The following IQUB variants were observed in gnomAD, a reference collection of about 807,000 sequenced individuals.
IQUB encodes the protein IQ motif and ubiquitin domain containing.
Under a neutral mutation model 86.4 loss-of-function variants are expected in IQUB, and 86 were observed. The ratio of observed to expected loss-of-function variants is 1.00; its 90% confidence interval spans 0.84 to 1.19. The LOEUF is 1.19. IQUB is among the 50% of genes most tolerant of loss of function. IQUB has a pLI of 0.00. For missense variants in IQUB, 946 were observed against 916.9 expected (o/e 1.03, Z -0.41); for synonymous variants, 289 against 304.5 (o/e 0.95, Z 0.53).
chr7:123,495,586 T>C (rs993567819), intron 7 of IQUB, among the ~76,000 whole-genome samples: 12 of 152,136 alleles, frequency 7.9e-5, no homozygotes, highest in African/African-American at 2.9e-4. Flanking sequence ...CCCATTCAAC[T>C]ACAAAAGCCA....
At chr7:123,530,672 A>ATT (rs377272603) in intron 1 of IQUB, among the ~76,000 whole-genome samples, 3,285 of 99,402 alleles carry the variant, frequency 0.033, 204 homozygotes, top group African/African-American at 0.097. Context: ...TTGCTCTTTG[A>ATT]TTTTTTTTTT....
chr7:123,474,730 A>C (rs1794674940), intron 8 of IQUB, among the ~76,000 whole-genome samples: 1 of 152,190 alleles, frequency 6.6e-6, no homozygotes, highest in Admixed American at 6.5e-5. Context: ...TAGCTGATCC[A>C]TATTGTGGTG....
chr7:123,468,144 G>A (rs1476699368), intron 9 of IQUB, among the ~76,000 whole-genome samples: 1 of 152,150 alleles, frequency 6.6e-6, no homozygotes, highest in African/African-American at 2.4e-5. Context: ...GCCTCAGACT[G>A]AGAAAAGCAT....
chr7:123,497,959 G>GA (rs1220818010), intron 6 of IQUB, among the ~76,000 whole-genome samples: 2 of 151,586 alleles, frequency 1.3e-5, no homozygotes, highest in Non-Finnish European at 2.9e-5. Context: ...CTAACCAGGT[G>GA]ACTTTAAAAA....
chr7:123,461,521 C>G lies in IQUB; in HGVS notation c.1843G>C (p.Val615Leu). Residue 615 changes from valine to leucine, a missense_variant, in exon 11 of 13, where the codon GTA becomes CTA. Val to Leu is a conservative substitution (Grantham distance 32, BLOSUM62 1). Transcript: ENST00000324698. Reference protein sequence around the residue: ...QLYLPSTEFSVSSTSRRIYRC... With the variant: ...QLYLPSTEFSLSSTSRRIYRC... ...TATATGCGGCGTGAGGTGGATGATA[C>G]AGAAAATTCTGTAGAAGGCAAATAA... is the stretch of plus-strand genomic sequence containing the variant. 6.2e-7 allele frequency: 1 copy of G among 1,611,892 alleles called. No individual in the cohort carries two copies. The highest frequency in any genetic ancestry group is 8.5e-7 in the Non-Finnish European group (1 of 1,178,820).
rs2116914342 is a variant in IQUB, at chr7:123,452,332, T to C, written c.*411A>G. 6.5e-6 allele frequency: 1 copy of C among 152,974 alleles called. No homozygotes were observed. Among genetic ancestry groups the C allele is most frequent in the Admixed American group, 6.5e-5 (1 of 15,330 alleles). The allele number at this position is 152,974 out of a possible 1,614,324, so 9.5% of individuals were successfully genotyped here. A position where few individuals can be genotyped will look rare whatever the true frequency, so the allele number is the denominator to read the frequency against. On this transcript the variant is annotated 3_prime_UTR_variant, in exon 13 of 13. Transcript: ENST00000324698. ...AAGAAGTTTTCAAGAAAGAGCACTT[T>C]ATAATGTTTCCTCCCCTCCACATAC...
chr7:123,511,830 AG>A (rs1336463072), intron 2 of IQUB, 113 bp downstream of exon 2: 8 of 737,912 alleles, frequency 1.1e-5, no homozygotes, highest in Non-Finnish European at 1.7e-5. Context: ...GATAAGGGAA[AG>A]GGAAAGGAAT....
At chr7:123,501,619 A>G (rs1390889576) in intron 6 of IQUB, 1 of 152,204 alleles carries the variant, frequency 6.6e-6, no homozygotes, top group Non-Finnish European at 1.5e-5. Flanking sequence ...TTTGACAGAG[A>G]GAAGCAGCCT....
At chr7:123,528,003 G>A (rs945168669) in intron 1 of IQUB, among the ~76,000 whole-genome samples, 1 of 152,228 alleles carries the variant, frequency 6.6e-6, no homozygotes, top group African/African-American at 2.4e-5. Context: ...CCGGGTGGGG[G>A]ATATAATCTC....
At chr7:123,529,171 A>G (rs1358796626) in intron 1 of IQUB, among the ~76,000 whole-genome samples, 1 of 152,178 alleles carries the variant, frequency 6.6e-6, no homozygotes, top group African/African-American at 2.4e-5. Context: ...AGACATGCTA[A>G]TTTTATTTCT....
At chr7:123,531,791 G>A (rs1189419681) in intron 1 of IQUB, among the ~76,000 whole-genome samples, 1 of 152,172 alleles carries the variant, frequency 6.6e-6, no homozygotes, top group Non-Finnish European at 1.5e-5. Flanking sequence ...CATTAAGAAA[G>A]TGTTTCAAGC....
At chr7:123,464,580 G>A (rs150796357) in intron 10 of IQUB, among the ~76,000 whole-genome samples, 4 of 151,920 alleles carry the variant, frequency 2.6e-5, no homozygotes, top group East Asian at 1.9e-4. Context: ...TACATTCAAC[G>A]TAATGCAATA....
chr7:123,534,227 GT>G (rs1406564996), intron 1 of IQUB, among the ~76,000 whole-genome samples: 7 of 152,214 alleles, frequency 4.6e-5, no homozygotes, highest in Non-Finnish European at 1.0e-4. Context: ...AGGGTGTGAG[GT>G]GAGGTGTACC....
intron 1 of IQUB, among the ~76,000 whole-genome samples, chr7:123,530,317 T>G (rs1797468566): frequency 6.6e-6 from 1 of 150,752 alleles, no homozygotes; most frequent in Non-Finnish European, 1.5e-5. Flanking sequence ...GCACCTGTAG[T>G]CCCAGCTACT....
rs145131433 is a variant in IQUB at position 123,461,602 on chromosome 7, G to A, written c.1762C>T (p.Pro588Ser). 3.3e-5 allele frequency: 52 copies of A among 1,588,192 alleles called. No individual in the cohort carries two copies. Among genetic ancestry groups the A allele is most frequent in the Non-Finnish European group, 2.6e-6 (3 of 1,169,480 alleles). Reference sequence around the variant, plus strand: ...TTATAAAATTTCAATGGGTCTTGAGGGACCTAAATAAATAGTAAAAAAAGA... The same window carrying A: ...TTATAAAATTTCAATGGGTCTTGAGAGACCTAAATAAATAGTAAAAAAAGA... The part of the protein sequence containing the change: ...NPEVAKYLKV[P>S]QDPLKFYKKI... The change falls in exon 11 of 13, where the codon CCT becomes TCT. Residue 588 changes from proline (P) to serine (S), a missense_variant. Pro to Ser is a moderately conservative substitution (Grantham distance 74). Transcript: ENST00000324698.
At chr7:123,454,466 A>G (rs886909221) in intron 12 of IQUB, among the ~76,000 whole-genome samples, 1 of 152,128 alleles carries the variant, frequency 6.6e-6, no homozygotes, top group Admixed American at 6.6e-5. Context: ...AAGTATATAT[A>G]CTTACATACA....
intron 7 of IQUB, 114 bp from the exon 8 acceptor site, chr7:123,480,084 T>C: frequency 1.3e-6 from 1 of 748,120 alleles, no homozygotes; most frequent in Non-Finnish European, 2.1e-6. Context: ...TATACACAGA[T>C]AGAATCATTT....
chr7:123,473,106 T>C (rs1309983599), intron 8 of IQUB, among the ~76,000 whole-genome samples: 1 of 152,138 alleles, frequency 6.6e-6, no homozygotes, highest in African/African-American at 2.4e-5. Flanking sequence ...ATTTTCTTCC[T>C]CTTAAATTAA....
At chr7:123,519,980 C>T (rs979034167) in intron 1 of IQUB, among the ~76,000 whole-genome samples, 1 of 151,654 alleles carries the variant, frequency 6.6e-6, no homozygotes, top group Non-Finnish European at 1.5e-5. Flanking sequence ...TTCATGCTTT[C>T]AACAAATTTT....
Sources: gnomAD v4.1 joint callset for allele counts (sites outside exome capture counted in the v4.1 genomes callset) on GRCh38, gnomAD v4.1.1 for gene constraint, MANE v1.5 for transcripts, NCBI Gene and HGNC (gene_info 2026-07-23, HGNC 2026-07-21) for gene names.